Variants in ABCC4 observed in about 807,000 individuals in gnomAD.
The protein encoded by ABCC4 is ATP binding cassette subfamily C member 4 (PEL blood group).
In ABCC4, 102 loss-of-function variants were observed where a neutral mutation model predicts 168.5. That is an observed-to-expected ratio of 0.61 (90% CI 0.52 to 0.71). The LOEUF is 0.71. Among genes scored for constraint, ABCC4 ranks in the 30% least tolerant of loss-of-function variants. The pLI, the probability that ABCC4 is intolerant of heterozygous loss-of-function variation, is 0.00. For missense variants in ABCC4, 1,402 were observed against 1,605.8 expected, an observed-to-expected ratio of 0.87 and a Z score of 2.17; for synonymous variants, 617 against 590.7, an observed-to-expected ratio of 1.04 and a Z score of -0.65.
At chr13:95,033,030 C>G (rs1334527178) in intron 30 of ABCC4, among the ~76,000 whole-genome samples, 1 of 132,138 alleles carries the variant, frequency 7.6e-6, no homozygotes. Context: ...AGTGCAGTGT[C>G]ATGATCTTGG....
chr13:95,070,372 G>C (rs1594045676), intron 25 of ABCC4, among the ~76,000 whole-genome samples: 1 of 152,170 alleles, frequency 6.6e-6, no homozygotes, highest in Non-Finnish European at 1.5e-5. Flanking sequence ...GGCACCCTGA[G>C]TGCAGGGGAT....
Position 95,130,901 on chromosome 13 carries a change from C to T in ABCC4, c.2456-14900G>A, listed in dbSNP as rs147968326. Among the ~76,000 whole-genome samples, 133 of 152,246 alleles carry T rather than the reference C, an allele frequency of 8.7e-4. 1 individual carries two copies. The highest frequency in any genetic ancestry group is 1.6e-3 in the African/African-American group (65 of 41,530). ...ACTGCTATATGGCATTTCCGGCTTC[C>T]CCACAGGCATCCTAGAAATACGAAC... On this transcript the variant is annotated intron_variant, in intron 19 of 30. Transcript: ENST00000645237.
chr13:95,166,645 A>T (rs963310791), intron 14 of ABCC4, among the ~76,000 whole-genome samples: 2 of 152,064 alleles, frequency 1.3e-5, no homozygotes, highest in Non-Finnish European at 2.9e-5. Context: ...CCGTATTGGT[A>T]GTCTTATTAC....
intron 9 of ABCC4, among the ~76,000 whole-genome samples, chr13:95,193,643 G>A (rs2038327258): frequency 2.0e-5 from 3 of 152,176 alleles, no homozygotes; most frequent in Non-Finnish European, 4.4e-5. Context: ...GGACTCAGGT[G>A]AGCGTAACCG....
At chr13:95,291,918 C>T (rs1032011766) in intron 1 of ABCC4, among the ~76,000 whole-genome samples, 7 of 151,880 alleles carry the variant, frequency 4.6e-5, no homozygotes, top group Non-Finnish European at 8.8e-5. Flanking sequence ...TGCACGCCAG[C>T]CTGGGCAACA....
intron 30 of ABCC4, among the ~76,000 whole-genome samples, chr13:95,029,197 TATATATATATATATATAGAGAGAG>T (rs1566355279): frequency 6.5e-5 from 5 of 77,170 alleles, no homozygotes; most frequent in African/African-American, 3.0e-4. Context: ...TATATATATA[TATATATATATATATATAGAGAGAG>T]AGAGAGAGAG....
chr13:95,198,636 C>T (rs150868120), intron 8 of ABCC4, among the ~76,000 whole-genome samples: 151 of 152,260 alleles, frequency 9.9e-4, no homozygotes, highest in African/African-American at 3.3e-3. Context: ...ATAAATCATT[C>T]GACTATAAAG....
intron 20 of ABCC4, among the ~76,000 whole-genome samples, chr13:95,088,362 G>A (rs1006224953): frequency 2.0e-5 from 3 of 152,108 alleles, no homozygotes; most frequent in Admixed American, 6.5e-5. Flanking sequence ...CATAAAAATC[G>A]ACAGAGAAAA....
At chr13:95,190,565 T>TA (rs2038221824) in intron 9 of ABCC4, among the ~76,000 whole-genome samples, 1 of 152,114 alleles carries the variant, frequency 6.6e-6, no homozygotes, top group South Asian at 2.1e-4. Context: ...ATCTATCTTT[T>TA]AAAAAAGCAA....
chr13:95,071,255 C>G (rs1031425835), intron 25 of ABCC4, among the ~76,000 whole-genome samples: 1 of 152,104 alleles, frequency 6.6e-6, no homozygotes, highest in Non-Finnish European at 1.5e-5. Context: ...CAGACTAATA[C>G]AGGACCAAAG....
intron 26 of ABCC4, among the ~76,000 whole-genome samples, chr13:95,056,135 C>T (rs2033044694): frequency 6.6e-6 from 1 of 152,124 alleles, no homozygotes; most frequent in South Asian, 2.1e-4. Context: ...TGGGGAGTTA[C>T]AAACCAGCAG....
chr13:95,049,903 C>G (rs1419676503), intron 27 of ABCC4, among the ~76,000 whole-genome samples: 3 of 152,162 alleles, frequency 2.0e-5, no homozygotes, highest in Admixed American at 2.0e-4. Context: ...CAAGCCAACC[C>G]TCTGAGTTTG....
intron 27 of ABCC4, among the ~76,000 whole-genome samples, chr13:95,052,852 A>G (rs1396708980): frequency 1.3e-5 from 2 of 152,246 alleles, no homozygotes; most frequent in Non-Finnish European, 2.9e-5. Context: ...GACAAATAAA[A>G]CAACACCAAA....
At chr13:95,253,995 C>T (rs370806909) in intron 1 of ABCC4, among the ~76,000 whole-genome samples, 3 of 152,206 alleles carry the variant, frequency 2.0e-5, no homozygotes, top group African/African-American at 7.2e-5. Context: ...CAGGCCCAAG[C>T]GGTCCTCTCA....
intron 26 of ABCC4, among the ~76,000 whole-genome samples, chr13:95,056,923 T>C (rs182839148): frequency 6.6e-5 from 10 of 151,996 alleles, no homozygotes; most frequent in East Asian, 1.9e-4. Flanking sequence ...ATCATAAATG[T>C]TGAATTTGCA....
At chr13:95,199,223 CAA>C (rs1370285180) in intron 8 of ABCC4, among the ~76,000 whole-genome samples, 1 of 152,182 alleles carries the variant, frequency 6.6e-6, no homozygotes, top group Non-Finnish European at 1.5e-5. Context: ...TATCTATGGT[CAA>C]GACTCACTTA....
chr13:95,170,748 T>C lies in ABCC4; in HGVS notation c.1728-120A>G, dbSNP rs142926726. The C allele has an allele frequency of 3.3e-4, 188 of 569,850 alleles. 2 individuals are homozygous for C. Among genetic ancestry groups the C allele is most frequent in the African/African-American group, 2.8e-3 (148 of 52,858 alleles). The allele number at this position is 569,850 out of a possible 1,614,324, so 35.3% of individuals were successfully genotyped here. A position where few individuals can be genotyped will look rare whatever the true frequency, so the allele number is the denominator to read the frequency against. The stretch of plus-strand genomic sequence containing the variant: ...AGTAGTCAAAGATCTAGAGGTTAAA[T>C]ACAAACTAAATACAAATATAAGCCA... On this transcript the variant is annotated intron_variant, in intron 13 of 30. Coordinates refer to ENST00000645237, the MANE Select transcript of ABCC4 (RefSeq NM_005845.5).
At chr13:95,056,711 C>A (rs1427615664) in intron 26 of ABCC4, among the ~76,000 whole-genome samples, 2 of 151,314 alleles carry the variant, frequency 1.3e-5, no homozygotes, top group Non-Finnish European at 2.9e-5. Context: ...GAGACACACT[C>A]TGGTTAACCT....
intron 25 of ABCC4, among the ~76,000 whole-genome samples, chr13:95,064,768 G>A (rs894572384): frequency 6.6e-5 from 10 of 151,964 alleles, no homozygotes; most frequent in Admixed American, 5.2e-4. Flanking sequence ...CTCAGGTGAG[G>A]ATATAATCAG....
Sources: gnomAD v4.1 joint callset for allele counts (sites outside exome capture counted in the v4.1 genomes callset) on GRCh38, gnomAD v4.1.1 for gene constraint, MANE v1.5 for transcripts, NCBI Gene and HGNC (gene_info 2026-07-23, HGNC 2026-07-21) for gene names.